Variants in ANKFN1 observed in about 807,000 individuals in gnomAD.
The protein encoded by ANKFN1 is ankyrin repeat and fibronectin type III domain containing 1, also known as ankyrin repeat and fibronectin type-III domain-containing protein 1.
A neutral mutation model predicts 108.7 loss-of-function variants in ANKFN1; 74 were observed. The observed-to-expected ratio is 0.68, with a 90% CI of 0.56 to 0.83. The LOEUF (loss-of-function observed/expected upper bound fraction) is 0.83. Ranked by LOEUF, ANKFN1 falls within the 40% of genes least tolerant of loss-of-function variation. ANKFN1 has a pLI of 0.00. For missense variants in ANKFN1, 1,505 were observed against 1,382.3 expected, an observed-to-expected ratio of 1.09 and a Z score of -1.41; for synonymous variants, 547 against 516.2, an observed-to-expected ratio of 1.06 and a Z score of -0.81.
intron 6 of ANKFN1, 63 bp downstream of exon 6, chr17:56,354,109 A>G: frequency 6.6e-7 from 1 of 1,505,174 alleles, no homozygotes; most frequent in Non-Finnish European, 9.1e-7. Flanking sequence ...ATGCCACCAA[A>G]ATAGCCATTG....
chr17:56,172,604 G>A (rs372499531), intron 1 of ANKFN1, among the ~76,000 whole-genome samples: 18 of 152,160 alleles, frequency 1.2e-4, no homozygotes, highest in East Asian at 9.7e-4. Flanking sequence ...GACATGGGAG[G>A]TGCCAACTCA....
At chr17:56,110,072 A>G (rs1905870897) in intron 4 of ANKFN1, among the ~76,000 whole-genome samples, 1 of 152,210 alleles carries the variant, frequency 6.6e-6, no homozygotes, top group Admixed American at 6.5e-5. Context: ...TTATTAACCA[A>G]TATTGTTGGC....
chr17:56,141,216 CA>C (rs1907897502), intron 4 of ANKFN1, among the ~76,000 whole-genome samples: 1 of 152,148 alleles, frequency 6.6e-6, no homozygotes, highest in African/African-American at 2.4e-5. Context: ...GGCAGGCAGA[CA>C]AGAAACACAA....
chr17:56,305,731 A>G (rs575154289), intron 3 of ANKFN1, among the ~76,000 whole-genome samples: 2 of 152,288 alleles, frequency 1.3e-5, no homozygotes, highest in East Asian at 3.9e-4. Flanking sequence ...TAGACCCTGA[A>G]GATATTTTTC....
chr17:56,309,608 T>C (rs369186180), intron 3 of ANKFN1, among the ~76,000 whole-genome samples: 12 of 152,162 alleles, frequency 7.9e-5, no homozygotes, highest in African/African-American at 2.7e-4. Flanking sequence ...TTTCTTGTGG[T>C]ACAATGGTGC....
In ANKFN1 at chr17:56,130,242, T is replaced by C. The variant is rs60969436; in HGVS notation, c.288+83917T>C. Among the ~76,000 whole-genome samples, 10 of 152,336 alleles carry C rather than the reference T, an allele frequency of 6.6e-5. No individual in the cohort carries two copies. In the East Asian group the frequency reaches 1.9e-3, roughly 29 times the overall value. On this transcript the variant is annotated intron_variant, in intron 4 of 12. Transcript: ENST00000635860. ...CTCAGGAGGCAGTGATCTGGGCTGTTACAGTAGCTTCCTGGCAGGCCCTCG... is the reference window on the plus strand; with the variant it reads ...CTCAGGAGGCAGTGATCTGGGCTGTCACAGTAGCTTCCTGGCAGGCCCTCG...
chr17:56,446,712 T>C (rs2049304048), intron 10 of ANKFN1, among the ~76,000 whole-genome samples: 1 of 151,932 alleles, frequency 6.6e-6, no homozygotes, highest in African/African-American at 2.4e-5. Flanking sequence ...AAGACCAGTC[T>C]GGCCAACATG....
chr17:56,480,811 T>C lies in ANKFN1; in HGVS notation c.2084T>C (p.Leu695Pro), dbSNP rs1568037477. The C allele has an allele frequency of 1.9e-6, 3 of 1,613,704 alleles. No individual in the cohort carries two copies. The highest frequency in any genetic ancestry group is 1.1e-5 in the South Asian group (1 of 91,048). Reference protein sequence around the residue: ...KALLQQINIPLHQARNFRLYT... With the variant: ...KALLQQINIPPHQARNFRLYT... ...CTCCTTCAGCAGATCAATATACCTC[T>C]ACACCAGGTACTAGACTTTACCATT... Residue 695 changes from leucine to proline, a missense_variant, in exon 17 of 21, where the codon CTA (leucine) becomes CCA (proline). Coordinates refer to ENST00000682825, the MANE Select transcript of ANKFN1 (RefSeq NM_001370326.1).
intron 6 of ANKFN1, among the ~76,000 whole-genome samples, chr17:56,367,608 C>T (rs997606714): frequency 2.6e-5 from 4 of 152,138 alleles, no homozygotes; most frequent in African/African-American, 9.7e-5. Context: ...GACTGCTTAC[C>T]ACACAGTCAC....
chr17:56,483,672 C>G (rs2050778223), intron 18 of ANKFN1, among the ~76,000 whole-genome samples: 1 of 152,140 alleles, frequency 6.6e-6, no homozygotes, highest in South Asian at 2.1e-4. Context: ...CTTTCTACAC[C>G]TTTTCTGTGT....
intron 18 of ANKFN1, among the ~76,000 whole-genome samples, chr17:56,484,171 C>G (rs1449561234): frequency 2.6e-5 from 4 of 151,978 alleles, no homozygotes; most frequent in Non-Finnish European, 5.9e-5. Flanking sequence ...AACAAGTGGT[C>G]CAGTTTGGCT....
chr17:56,224,779 A>G (rs568886038), intron 2 of ANKFN1: 1 of 152,376 alleles, frequency 6.6e-6, no homozygotes, highest in Non-Finnish European at 1.5e-5. Context: ...ACAGAGATGT[A>G]TCCTCAGTGT....
chr17:56,335,319 A>G (rs2045777035), intron 4 of ANKFN1, among the ~76,000 whole-genome samples: 1 of 152,114 alleles, frequency 6.6e-6, no homozygotes, highest in Non-Finnish European at 1.5e-5. Context: ...CAGTATGGCC[A>G]TTTTCACGAT....
At chr17:56,251,102 T>G (rs1421221260) in intron 3 of ANKFN1, among the ~76,000 whole-genome samples, 1 of 152,212 alleles carries the variant, frequency 6.6e-6, no homozygotes, top group Non-Finnish European at 1.5e-5. Flanking sequence ...GAAAAAGTGC[T>G]TCTGAAGGCT....
chr17:56,466,023 T>C (rs1017190985), intron 14 of ANKFN1, among the ~76,000 whole-genome samples: 1 of 152,250 alleles, frequency 6.6e-6, no homozygotes, highest in African/African-American at 2.4e-5. Context: ...TCTCTTCAAG[T>C]GCTGGTAACT....
chr17:56,327,070 G>A (rs988206271), intron 4 of ANKFN1, among the ~76,000 whole-genome samples: 13 of 152,124 alleles, frequency 8.5e-5, no homozygotes, highest in African/African-American at 4.8e-5. Flanking sequence ...CCAGTTACCC[G>A]TGCTGATCAT....
chr17:56,317,006 G>A (rs2045227567), intron 3 of ANKFN1, among the ~76,000 whole-genome samples: 1 of 152,146 alleles, frequency 6.6e-6, no homozygotes, highest in Admixed American at 6.5e-5. Context: ...GCAGATTTCA[G>A]CACACTCTCT....
chr17:56,239,914 C>T (rs1917454330), intron 3 of ANKFN1, among the ~76,000 whole-genome samples: 1 of 152,098 alleles, frequency 6.6e-6, no homozygotes, highest in Non-Finnish European at 1.5e-5. Flanking sequence ...GGACAGCTTA[C>T]ACATTCGGGA....
intron 4 of ANKFN1, among the ~76,000 whole-genome samples, chr17:56,097,343 C>A (rs533530471): frequency 6.6e-6 from 1 of 152,352 alleles, no homozygotes; most frequent in South Asian, 2.1e-4. Flanking sequence ...TCATTTACTG[C>A]TGGTTATTCC....
Sources: allele counts gnomAD v4.1 joint callset (sites outside exome capture counted in the v4.1 genomes callset), GRCh38; gene constraint gnomAD v4.1.1; transcripts MANE v1.5; gene names NCBI Gene and HGNC (gene_info 2026-07-23, HGNC 2026-07-21).